Variants in HS3ST4 observed in about 807,000 individuals in gnomAD.
The protein encoded by HS3ST4 is heparan sulfate-glucosamine 3-sulfotransferase 4, also known as heparan sulfate glucosamine 3-O-sulfotransferase 4.
Under a neutral mutation model 29.2 loss-of-function variants are expected in HS3ST4, and 17 were observed. The ratio of observed to expected loss-of-function variants is 0.58; its 90% confidence interval spans 0.40 to 0.87. HS3ST4 has a LOEUF of 0.87. Ranked by LOEUF, HS3ST4 falls within the 40% of genes least tolerant of loss-of-function variation. HS3ST4 has a pLI of 0.00. For missense variants in HS3ST4, 627 were observed against 634.5 expected (o/e 0.99, Z 0.13); for synonymous variants, 314 against 285.7 (o/e 1.10, Z -1.00).
chr16:26,111,282 C>G (rs1387856014), intron 1 of HS3ST4, among the ~76,000 whole-genome samples: 1 of 151,962 alleles, frequency 6.6e-6, no homozygotes, highest in Non-Finnish European at 1.5e-5. Context: ...GCTCTGTTGT[C>G]CAAGCTGTTC....
intron 1 of HS3ST4, among the ~76,000 whole-genome samples, chr16:25,717,003 G>C (rs913171564): frequency 2.0e-5 from 3 of 152,034 alleles, no homozygotes; most frequent in Non-Finnish European, 4.4e-5. Context: ...ACAGTGAGCC[G>C]AGTTCGGGCC....
intron 1 of HS3ST4, among the ~76,000 whole-genome samples, chr16:26,058,766 A>G (rs979182954): frequency 2.0e-5 from 3 of 152,174 alleles, no homozygotes; most frequent in Admixed American, 6.5e-5. Context: ...CGTCGTCAGA[A>G]CACCTGACTC....
intron 1 of HS3ST4, among the ~76,000 whole-genome samples, chr16:25,713,117 GTA>G (rs1326179414): frequency 6.6e-6 from 1 of 151,984 alleles, no homozygotes; most frequent in Non-Finnish European, 1.5e-5. Context: ...ACATAGGTAT[GTA>G]TACATGTGCC....
rs66788248 is a variant in HS3ST4 at position 25,741,365 on chromosome 16, T to TAAAAAAAAA, written c.734+48231_734+48239dup. Among the ~76,000 whole-genome samples, 540 of 66,174 alleles carry TAAAAAAAAA rather than the reference T, an allele frequency of 8.2e-3. 22 individuals are homozygous for TAAAAAAAAA. Among genetic ancestry groups the TAAAAAAAAA allele is most frequent in the African/African-American group, 0.029 (469 of 16,328 alleles). The allele number at this position is 66,174 out of a possible 152,430, so 43.4% of individuals were successfully genotyped here. On this transcript the variant is annotated intron_variant, in intron 1 of 1. Transcript: ENST00000331351. ...TTAAAGGATGAGTTTGAATTCAAGG[T>TAAAAAAAAA]AAAAAAAAAAAAAAAAAAAAAAAAA...
intron 1 of HS3ST4, among the ~76,000 whole-genome samples, chr16:25,773,853 G>T (rs1342664352): frequency 6.6e-6 from 1 of 151,936 alleles, no homozygotes; most frequent in South Asian, 2.1e-4. Context: ...GTATGCCCCT[G>T]TGCAAAACAG....
At chr16:26,038,545 G>A (rs1245534320) in intron 1 of HS3ST4, among the ~76,000 whole-genome samples, 1 of 152,084 alleles carries the variant, frequency 6.6e-6, no homozygotes, top group East Asian at 1.9e-4. Context: ...CTAATGTTGA[G>A]TAAATGAATG....
At chr16:25,921,306 C>T (rs147194446) in intron 1 of HS3ST4, among the ~76,000 whole-genome samples, 16 of 152,344 alleles carry the variant, frequency 1.1e-4, no homozygotes, top group Non-Finnish European at 1.5e-4. Context: ...TGAGCCCTCA[C>T]TATGTGTCAG....
chr16:26,033,255 C>T (rs1221075277), intron 1 of HS3ST4, among the ~76,000 whole-genome samples: 1 of 152,052 alleles, frequency 6.6e-6, no homozygotes, highest in Admixed American at 6.5e-5. Flanking sequence ...GTGGGTCACG[C>T]CTGTAATCCC....
intron 1 of HS3ST4, among the ~76,000 whole-genome samples, chr16:25,883,751 TACC>T (rs1967918184): frequency 1.3e-5 from 2 of 152,200 alleles, no homozygotes; most frequent in Non-Finnish European, 2.9e-5. Context: ...TTATACTTGT[TACC>T]ATTTTGCAGA....
At chr16:25,875,541 A>G (rs573994486) in intron 1 of HS3ST4, among the ~76,000 whole-genome samples, 54 of 152,206 alleles carry the variant, frequency 3.5e-4, no homozygotes, top group African/African-American at 1.1e-3. Flanking sequence ...CCCTGTGTGA[A>G]ATGAGTAGAA....
intron 1 of HS3ST4, among the ~76,000 whole-genome samples, chr16:25,990,294 A>G (rs1969103218): frequency 1.3e-5 from 2 of 152,212 alleles, no homozygotes; most frequent in South Asian, 4.1e-4. Context: ...TTGCTGGGTT[A>G]TATGGTAAGG....
chr16:25,871,745 G>A (rs11864746), intron 1 of HS3ST4, among the ~76,000 whole-genome samples: 14 of 152,138 alleles, frequency 9.2e-5, no homozygotes, highest in Non-Finnish European at 2.1e-4. Flanking sequence ...TAACAGCTCA[G>A]GTAGCTATCT....
At chr16:26,039,292 G>T (rs1056104816) in intron 1 of HS3ST4, among the ~76,000 whole-genome samples, 3 of 152,248 alleles carry the variant, frequency 2.0e-5, no homozygotes, top group South Asian at 4.1e-4. Context: ...TTCCCAGAAG[G>T]AATCTTGCCT....
At chr16:25,754,587 G>A (rs1051130177) in intron 1 of HS3ST4, among the ~76,000 whole-genome samples, 2 of 152,024 alleles carry the variant, frequency 1.3e-5, no homozygotes, top group Non-Finnish European at 2.9e-5. Context: ...TGCATTGCTG[G>A]GGAAGTCTCA....
At position 26,041,963 on chromosome 16, in the gene HS3ST4, G is replaced by T. The variant is rs190916455; in HGVS notation, c.735-93649G>T. On this transcript the variant is annotated intron_variant, in intron 1 of 1. Coordinates refer to ENST00000331351, the MANE Select transcript of HS3ST4 (RefSeq NM_006040.3). ...TGGGCCTGGGAGTCTGCATTATAAT[G>T]CAGGTCATTAAGATGTAGGTAGTAG... Among the ~76,000 whole-genome samples, 297 of 152,272 alleles carry T rather than the reference G, an allele frequency of 2.0e-3. 1 individual carries two copies. The highest frequency in any genetic ancestry group is 3.4e-3 in the Middle Eastern group (1 of 294).
intron 1 of HS3ST4, among the ~76,000 whole-genome samples, chr16:25,810,827 C>T (rs1012335252): frequency 6.6e-6 from 1 of 152,088 alleles, no homozygotes; most frequent in East Asian, 1.9e-4. Flanking sequence ...ACATAGTTTT[C>T]AATTAAATGT....
chr16:25,931,924 G>T (rs921867572), intron 1 of HS3ST4, among the ~76,000 whole-genome samples: 2 of 152,236 alleles, frequency 1.3e-5, no homozygotes, highest in Admixed American at 6.5e-5. Flanking sequence ...GGCAGCTTGT[G>T]GGGGAAACAA....
At chr16:25,852,547 AT>A (rs75579101) in intron 1 of HS3ST4, among the ~76,000 whole-genome samples, 17,408 of 147,562 alleles carry the variant, frequency 0.12, 1,152 homozygotes, top group East Asian at 0.21. Flanking sequence ...ATTATTTCCC[AT>A]TTTTTTTTAA....
At chr16:26,052,510 A>G (rs1425289990) in intron 1 of HS3ST4, among the ~76,000 whole-genome samples, 2 of 152,112 alleles carry the variant, frequency 1.3e-5, no homozygotes, top group African/African-American at 4.8e-5. Flanking sequence ...AGCTGGGATT[A>G]CAAGTGCCCA....
Sources: allele counts gnomAD v4.1 joint callset (sites outside exome capture counted in the v4.1 genomes callset), GRCh38; gene constraint gnomAD v4.1.1; transcripts MANE v1.5; gene names NCBI Gene and HGNC (gene_info 2026-07-23, HGNC 2026-07-21).